The following VWA8 variants were observed in gnomAD, a reference collection of about 807,000 sequenced individuals.
VWA8 encodes the protein von Willebrand factor A domain containing 8, also known as von Willebrand factor A domain-containing protein 8.
In VWA8, 221 loss-of-function variants were observed where a neutral mutation model predicts 241.5. That is an observed-to-expected ratio of 0.91 (90% confidence interval 0.82 to 1.02). VWA8 has a LOEUF of 1.02. Ranked by LOEUF, VWA8 falls within the 50% of genes least tolerant of loss-of-function variation. The pLI, the probability that VWA8 is intolerant of heterozygous loss-of-function variation, is 0.00. For missense variants in VWA8, 2,322 were observed against 2,328.7 expected (o/e 1.00, Z 0.06); for synonymous variants, 852 against 827.1 (o/e 1.03, Z -0.52).
intron 43 of VWA8, among the ~76,000 whole-genome samples, chr13:41,571,883 C>A (rs2044307929): frequency 6.6e-6 from 1 of 151,886 alleles, no homozygotes; most frequent in South Asian, 2.1e-4. Context: ...TCCCGGCCGC[C>A]ATCCTGTCTA....
intron 40 of VWA8, 107 bp from the exon 41 acceptor site, chr13:41,590,872 G>T: frequency 7.0e-7 from 1 of 1,418,926 alleles, no homozygotes; most frequent in Non-Finnish European, 9.8e-7. Flanking sequence ...TTTTCAGTAA[G>T]TGATGGTTCT....
intron 16 of VWA8, among the ~76,000 whole-genome samples, chr13:41,811,900 C>T (rs761207947): frequency 6.6e-6 from 1 of 152,092 alleles, no homozygotes; most frequent in African/African-American, 2.4e-5. Flanking sequence ...CAAAATTCCA[C>T]GAATAGAGTT....
At chr13:41,720,058 A>T (rs1011249348) in intron 25 of VWA8, among the ~76,000 whole-genome samples, 4 of 152,142 alleles carry the variant, frequency 2.6e-5, no homozygotes, top group African/African-American at 9.7e-5. Flanking sequence ...CTTTAATATG[A>T]GTACCAGATC....
chr13:41,800,365 G>C (rs1008585892), intron 17 of VWA8, among the ~76,000 whole-genome samples: 1 of 152,116 alleles, frequency 6.6e-6, no homozygotes, highest in Non-Finnish European at 1.5e-5. Flanking sequence ...TTGGATAAGA[G>C]TTAACAATTA....
Position 41,886,018 on chromosome 13 carries a change from G to C in VWA8, c.877C>G (p.Leu293Val). Residue 293 changes from leucine to valine, a missense_variant, in exon 8 of 45, where the codon CTC (leucine) becomes GTC (valine). Transcript: ENST00000379310. ...CACAGAGTTGTGGCAAAGGACAAGA[G>C]CTGAGAAACTCTAAGGGAAAAATGA... Reference protein sequence around the residue: ...ANVSAEKVSQLLSFATTLCSQ... With the variant: ...ANVSAEKVSQVLSFATTLCSQ... 2.5e-6 allele frequency: 4 copies of C among 1,590,650 alleles called. No individual in the cohort carries two copies. The highest frequency in any genetic ancestry group is 3.4e-6 in the Non-Finnish European group (4 of 1,172,120).
At chr13:41,867,239 T>G (rs1873354710) in intron 10 of VWA8, among the ~76,000 whole-genome samples, 4 of 152,190 alleles carry the variant, frequency 2.6e-5, no homozygotes, top group African/African-American at 7.2e-5. Context: ...CCTATATTAT[T>G]CTTGCAGGCT....
chr13:41,895,482 A>G (rs921788539), intron 4 of VWA8, among the ~76,000 whole-genome samples: 1 of 152,224 alleles, frequency 6.6e-6, no homozygotes, highest in Non-Finnish European at 1.5e-5. Context: ...ACATCTCTAC[A>G]CACACAAAAT....
At chr13:41,778,935 G>C (rs1267323397) in intron 19 of VWA8, among the ~76,000 whole-genome samples, 2 of 144,798 alleles carry the variant, frequency 1.4e-5, no homozygotes, top group African/African-American at 5.1e-5. Context: ...TCCGCCTCCT[G>C]GGTTAACGCC....
intron 9 of VWA8, among the ~76,000 whole-genome samples, chr13:41,869,630 TC>T (rs1566488133): frequency 4.1e-5 from 1 of 24,434 alleles, no homozygotes; most frequent in Non-Finnish European, 7.3e-5. Flanking sequence ...AAACTTTGTC[TC>T]AAAAAAAAAA....
chr13:41,787,043 G>A (rs971598491), intron 18 of VWA8, among the ~76,000 whole-genome samples: 1 of 150,736 alleles, frequency 6.6e-6, no homozygotes, highest in African/African-American at 2.4e-5. Context: ...ATATCTTATA[G>A]GACATCGCTG....
intron 2 of VWA8, among the ~76,000 whole-genome samples, chr13:41,934,663 T>C (rs769730319): frequency 1.3e-4 from 20 of 152,062 alleles, no homozygotes; most frequent in Non-Finnish European, 2.1e-4. Flanking sequence ...CAGAAAAGTA[T>C]ATATGTTGTA....
At chr13:41,823,762 T>C (rs1163259232) in intron 14 of VWA8, among the ~76,000 whole-genome samples, 1 of 152,098 alleles carries the variant, frequency 6.6e-6, no homozygotes, top group Non-Finnish European at 1.5e-5. Flanking sequence ...CTGCAGAGAA[T>C]ATAAAAGCCT....
At chr13:41,626,130 C>T (rs1253306380) in intron 37 of VWA8, among the ~76,000 whole-genome samples, 3 of 149,368 alleles carry the variant, frequency 2.0e-5, no homozygotes, top group Non-Finnish European at 4.5e-5. Context: ...ATACCTAATG[C>T]TAAATGACGA....
intron 9 of VWA8, among the ~76,000 whole-genome samples, chr13:41,882,210 G>A (rs1277813418): frequency 6.6e-6 from 1 of 151,512 alleles, no homozygotes; most frequent in Non-Finnish European, 1.5e-5. Flanking sequence ...ACGATGGGCG[G>A]CCGGGCAGAG....
intron 16 of VWA8, 134 bp from the exon 17 acceptor site, chr13:41,811,474 T>C: frequency 2.0e-6 from 1 of 498,388 alleles, no homozygotes; most frequent in Non-Finnish European, 3.4e-6. Flanking sequence ...GTTAATTAAT[T>C]ACAAATCAAA....
chr13:41,796,348 A>G (rs552851007), intron 17 of VWA8, among the ~76,000 whole-genome samples: 2 of 152,228 alleles, frequency 1.3e-5, no homozygotes, highest in African/African-American at 4.8e-5. Flanking sequence ...TTTTAATGAA[A>G]TTTTTTAACT....
chr13:41,891,521 T>A lies in VWA8; in HGVS notation c.550A>T (p.Asn184Tyr). 1 of 1,614,216 alleles carries A rather than the reference T, an allele frequency of 6.2e-7. No homozygotes were observed. Among genetic ancestry groups the A allele is most frequent in the Non-Finnish European group, 8.5e-7 (1 of 1,180,022 alleles). Residue 184 changes from asparagine (N) to tyrosine (Y), a missense_variant, in exon 5 of 45, where the codon AAT becomes TAT. Coordinates refer to ENST00000379310, the MANE Select transcript of VWA8 (RefSeq NM_015058.2). ...AAGTTGTTCAAAACAGGCAAAACAT[T>A]CCTCTCTGCCTTTTCCAAACCTTCC... Reference protein sequence around the residue: ...ILEGLEKAERNVLPVLNNLLE... With the variant: ...ILEGLEKAERYVLPVLNNLLE...
Position 41,727,292 on chromosome 13 carries a change from C to T in VWA8, c.2660G>A (p.Arg887Lys), listed in dbSNP as rs745484975. 23 of 1,552,146 alleles carry T rather than the reference C, an allele frequency of 1.5e-5. No individual in the cohort carries two copies. In the South Asian group the frequency reaches 2.7e-4, roughly 18 times the overall value. ...IVANSANVNG[R>K]ENVVVIHPDF... ...AGGATGAATCACTACAACATTTTCT[C>T]TTCCATTCACATTAGCAGAATCTGA... is the stretch of plus-strand genomic sequence containing the variant. Residue 887 changes from arginine to lysine, a missense_variant, in exon 24 of 45, where the codon AGA becomes AAA. Transcript: ENST00000379310.
At chr13:41,805,547 C>T (rs1425431639) in intron 17 of VWA8, among the ~76,000 whole-genome samples, 1 of 152,138 alleles carries the variant, frequency 6.6e-6, no homozygotes, top group Non-Finnish European at 1.5e-5. Flanking sequence ...GGTGCGGTGG[C>T]TCATGCCTGT....
Sources: allele counts gnomAD v4.1 joint callset (sites outside exome capture counted in the v4.1 genomes callset), GRCh38; gene constraint gnomAD v4.1.1; transcripts MANE v1.5; gene names NCBI Gene and HGNC (gene_info 2026-07-23, HGNC 2026-07-21).